ABLIM2: variants seen among roughly 807,000 people sequenced by gnomAD.
ABLIM2 encodes actin-binding LIM protein 2.
In ABLIM2, 53 loss-of-function variants were observed where a neutral mutation model predicts 97.7. The observed-to-expected ratio is 0.54, with a 90% confidence interval of 0.44 to 0.68. ABLIM2 has a LOEUF of 0.68. ABLIM2 is among the 30% of genes least tolerant of loss of function. ABLIM2 has a pLI of 0.00. For missense variants in ABLIM2, 835 were observed against 867.2 expected (o/e 0.96, Z 0.47); for synonymous variants, 361 against 345.8 (o/e 1.04, Z -0.49).
chr4:8,066,119 G>T (rs1423189493), intron 6 of ABLIM2, among the ~76,000 whole-genome samples: 2 of 150,050 alleles, frequency 1.3e-5, no homozygotes, highest in Non-Finnish European at 3.0e-5. Context: ...GGCTAACACG[G>T]TGAAACCCTG....
At chr4:7,984,295 C>T (rs979837571) in intron 18 of ABLIM2, among the ~76,000 whole-genome samples, 3 of 152,136 alleles carry the variant, frequency 2.0e-5, no homozygotes, top group African/African-American at 7.2e-5. Context: ...TGATGCTCTC[C>T]GTCCCCATGC....
intron 1 of ABLIM2, among the ~76,000 whole-genome samples, chr4:8,121,733 A>C (rs1055254895): frequency 6.6e-6 from 1 of 152,226 alleles, no homozygotes; most frequent in African/African-American, 2.4e-5. Context: ...TGCCCAGTGA[A>C]TATTTCTCAA....
chr4:8,079,930 C>T (rs1411840042), intron 5 of ABLIM2, among the ~76,000 whole-genome samples: 1 of 152,180 alleles, frequency 6.6e-6, no homozygotes, highest in African/African-American at 2.4e-5. Flanking sequence ...GCCCTCTGCG[C>T]TCAGAGGAGC....
chr4:8,016,705 C>T (rs776330592), intron 14 of ABLIM2, among the ~76,000 whole-genome samples: 1 of 152,186 alleles, frequency 6.6e-6, no homozygotes, highest in Non-Finnish European at 1.5e-5. Context: ...GGACTTTCCA[C>T]AGTAACCTCA....
intron 20 of ABLIM2, among the ~76,000 whole-genome samples, chr4:7,976,419 A>G (rs1027369386): frequency 6.6e-6 from 1 of 152,144 alleles, no homozygotes; most frequent in Non-Finnish European, 1.5e-5. Context: ...GGGCTTCACC[A>G]TGTAGCCACA....
chr4:8,105,937 A>AT (rs35475311), intron 2 of ABLIM2, among the ~76,000 whole-genome samples: 29 of 150,506 alleles, frequency 1.9e-4, no homozygotes, highest in Non-Finnish European at 2.8e-4. Context: ...GCCTCACGTG[A>AT]TTTTTTTTTT....
chr4:7,977,763 C>A (rs1734656474), intron 20 of ABLIM2, among the ~76,000 whole-genome samples: 1 of 137,812 alleles, frequency 7.3e-6, no homozygotes. Flanking sequence ...TGCCCTCCAG[C>A]CTGGGAGACT....
In ABLIM2 at chr4:8,021,416, C is replaced by T. The variant is rs916927730; in HGVS notation, c.1268-1113G>A. Among the ~76,000 whole-genome samples the T allele has an allele frequency of 7.2e-5, 11 of 152,288 alleles. 1 individual carries two copies. The highest frequency in any genetic ancestry group is 2.0e-4 in the Admixed American group (3 of 15,304). ...GTACGCTCCCTGCAGAAGACACTCC[C>T]AAGGCCCCGTTCCTCCCACCTGCCA... is the stretch of plus-strand genomic sequence containing the variant. On this transcript the variant is annotated intron_variant, in intron 12 of 20. Coordinates refer to ENST00000447017, the MANE Select transcript of ABLIM2 (RefSeq NM_001130083.2). This position sits in a 1 kb window ranked among gnomAD's most constrained non-coding sequence, Gnocchi z 5.5.
In ABLIM2 at chr4:7,967,098, G is replaced by A. The variant is rs1459559262; in HGVS notation, c.1830C>T (p.His610=). 2.5e-6 allele frequency: 4 copies of A among 1,613,448 alleles called. No homozygotes were observed. The highest frequency in any genetic ancestry group is 4.5e-5 in the East Asian group (2 of 44,870). The change falls in exon 21 of 21, where the codon CAC becomes CAT. Residue 610 remains histidine (H), a synonymous_variant. Coordinates refer to ENST00000447017, the MANE Select transcript of ABLIM2 (RefSeq NM_001130083.2). ...CTTCCTGGAACTCCTCGGGCGACAAGTGTCTCTTCAAACAAAAAGGCAAAA... is the reference window on the plus strand; with the variant it reads ...CTTCCTGGAACTCCTCGGGCGACAAATGTCTCTTCAAACAAAAAGGCAAAA... ...KDVDRTRLER[H]LSPEEFQEVF...
chr4:8,131,227 C>T (rs1294724859), intron 1 of ABLIM2, among the ~76,000 whole-genome samples: 3 of 152,318 alleles, frequency 2.0e-5, no homozygotes, highest in South Asian at 2.1e-4. Flanking sequence ...ATTTCTCAGC[C>T]AACCACATGC....
chr4:8,030,151 C>T (rs1156896230), intron 10 of ABLIM2, among the ~76,000 whole-genome samples: 4 of 152,174 alleles, frequency 2.6e-5, no homozygotes, highest in African/African-American at 7.2e-5. Context: ...CGGAGACTCC[C>T]CCAGTCCCTA....
chr4:8,147,459 A>G lies in ABLIM2; in HGVS notation c.10+11221T>C, dbSNP rs1195226044. Among the ~76,000 whole-genome samples, 1 of 152,186 alleles carries G rather than the reference A, an allele frequency of 6.6e-6. No individual in the cohort carries two copies. The highest frequency in any genetic ancestry group is 2.4e-5 in the African/African-American group (1 of 41,432). ...GTTAAAAGGGGAGGGGTCTTTGCAGATGTGATTTACATAAAGCGTCTAGAG... is the reference window on the plus strand; with the variant it reads ...GTTAAAAGGGGAGGGGTCTTTGCAGGTGTGATTTACATAAAGCGTCTAGAG... On this transcript the variant is annotated intron_variant, in intron 1 of 20. Transcript: ENST00000447017. The surrounding 1 kb of genome is among the most constrained non-coding windows in gnomAD (Gnocchi z 5.3).
chr4:8,152,531 C>T (rs905848721), intron 1 of ABLIM2, among the ~76,000 whole-genome samples: 1 of 152,250 alleles, frequency 6.6e-6, no homozygotes, highest in Non-Finnish European at 1.5e-5. Context: ...TGCCCGACAC[C>T]CTAGACACCC....
chr4:8,126,851 C>T (rs1223092032), intron 1 of ABLIM2, among the ~76,000 whole-genome samples: 2 of 152,024 alleles, frequency 1.3e-5, no homozygotes, highest in Admixed American at 6.6e-5. Flanking sequence ...GAACTGCTTA[C>T]ACCCGGGAGT....
intron 1 of ABLIM2, among the ~76,000 whole-genome samples, chr4:8,109,418 C>T (rs1048113614): frequency 5.3e-5 from 8 of 152,248 alleles, no homozygotes; most frequent in Admixed American, 3.3e-4. Context: ...AATGCCAGCG[C>T]TGATTGAGCT....
intron 1 of ABLIM2, among the ~76,000 whole-genome samples, chr4:8,153,030 C>A (rs1561646547): frequency 2.6e-5 from 4 of 152,162 alleles, no homozygotes; most frequent in Admixed American, 1.3e-4. Flanking sequence ...AGGGAAGGGA[C>A]TATGGAATCT....
In ABLIM2 at chr4:8,044,651, C is replaced by T. The variant is rs1249801348; in HGVS notation, c.900+513G>A. ...CGTGTGAGGCGCACAGACACACACACACACACACACACACAGAGTCTCTCT... is the reference window on the plus strand; with the variant it reads ...CGTGTGAGGCGCACAGACACACACATACACACACACACACAGAGTCTCTCT... On this transcript the variant is annotated intron_variant, in intron 9 of 20. Coordinates refer to ENST00000447017, the MANE Select transcript of ABLIM2 (RefSeq NM_001130083.2). The surrounding 1 kb of genome is among the most constrained non-coding windows in gnomAD (Gnocchi z 4.4). Among the ~76,000 whole-genome samples the T allele has an allele frequency of 8.7e-6, 1 of 114,490 alleles. No homozygotes were observed. Among genetic ancestry groups the T allele is most frequent in the Non-Finnish European group, 2.1e-5 (1 of 48,522 alleles). The allele number at this position is 114,490 out of a possible 152,430, so 75.1% of individuals were successfully genotyped here.
chr4:8,017,970 T>A (rs1770677872), intron 14 of ABLIM2, among the ~76,000 whole-genome samples: 1 of 147,912 alleles, frequency 6.8e-6, no homozygotes, highest in African/African-American at 2.5e-5. Flanking sequence ...TCCAGCCTGG[T>A]GACAGAGCGA....
rs550235764 is a variant in ABLIM2 at position 8,082,575 on chromosome 4, C to T, written c.455-1773G>A. Among the ~76,000 whole-genome samples, 4 of 152,208 alleles carry T rather than the reference C, an allele frequency of 2.6e-5. No individual in the cohort carries two copies. Among genetic ancestry groups the T allele is most frequent in the African/African-American group, 7.2e-5 (3 of 41,448 alleles). On this transcript the variant is annotated intron_variant, in intron 4 of 20. Transcript: ENST00000447017. This position sits in a 1 kb window ranked among gnomAD's most constrained non-coding sequence, Gnocchi z 5.6. ...TAAAACAAACGAACACTCACAAAGC[C>T]GTTGGTCAAGCTCAGGATTTCCTAA...
Sources: allele counts gnomAD v4.1 joint callset (sites outside exome capture counted in the v4.1 genomes callset), GRCh38; gene constraint gnomAD v4.1.1; non-coding constraint Gnocchi (gnomAD v3.1); transcripts MANE v1.5; gene names NCBI Gene and HGNC (gene_info 2026-07-23, HGNC 2026-07-21).